The following PIN4 variants were observed in gnomAD, a reference collection of about 807,000 sequenced individuals.
PIN4 encodes peptidylprolyl cis/trans isomerase, NIMA-interacting 4.
PIN4 carries 3 observed loss-of-function variants against 8.3 expected under a neutral mutation model. That is an observed-to-expected ratio of 0.36 (90% confidence interval 0.16 to 0.93). The LOEUF (loss-of-function observed/expected upper bound fraction) is 0.93, where lower values mean the gene tolerates loss of function less well. Ranked by LOEUF, PIN4 falls within the 40% of genes least tolerant of loss-of-function variation. The pLI is 0.44. For missense variants in PIN4, 75 were observed against 100.6 expected (o/e 0.75, Z 1.09); for synonymous variants, 18 against 32.5 (o/e 0.55, Z 1.52).
At chrX:72,202,207 C>G (rs141309806), downstream of PIN4, among the ~76,000 whole-genome samples, 1 of 112,576 alleles carries the variant, frequency 8.9e-6, no homozygotes, top group East Asian at 2.8e-4. Context: ...TTTTTCCTAT[C>G]CAAATTCAGA....
chrX:72,206,764 A>G, intron 3 of PIN4: 18 of 1,211,227 alleles, frequency 1.5e-5, no homozygotes, highest in Non-Finnish European at 2.0e-5. Flanking sequence ...GATTCCAGCT[A>G]TCCCCAAAGA....
intron 3 of PIN4, among the ~76,000 whole-genome samples, chrX:72,229,323 C>T (rs1175761341): frequency 1.8e-5 from 2 of 111,968 alleles, no homozygotes; most frequent in Admixed American, 9.5e-5. Flanking sequence ...GCAACTGGCT[C>T]GTTTGACAGC....
intron 2 of PIN4, 127 bp from the exon 3 acceptor site, chrX:72,196,658 G>C (rs918825233): frequency 1.4e-4 from 74 of 519,030 alleles, no homozygotes; most frequent in Non-Finnish European, 2.1e-4. Flanking sequence ...AAACTTCCAG[G>C]ATTTTTACTT....
chrX:72,223,162 C>A (rs1399114928), intron 3 of PIN4, among the ~76,000 whole-genome samples: 1 of 98,916 alleles, frequency 1.0e-5, no homozygotes, highest in East Asian at 3.5e-4. Flanking sequence ...TGGTGAAACC[C>A]CGTCTCTACT....
downstream of PIN4, among the ~76,000 whole-genome samples, chrX:72,199,669 G>A (rs1437899441): frequency 3.6e-5 from 4 of 112,434 alleles, no homozygotes; most frequent in Non-Finnish European, 5.6e-5. Context: ...AGGATACTAA[G>A]TGAATACCTA....
intron 3 of PIN4, among the ~76,000 whole-genome samples, chrX:72,248,137 G>A (rs1453510549): frequency 9.1e-6 from 1 of 109,450 alleles, no homozygotes; most frequent in Non-Finnish European, 1.9e-5. Context: ...GTACACAGCA[G>A]GTTCAATGAG....
intron 3 of PIN4, chrX:72,204,894 T>A (rs1670168355): frequency 1.6e-6 from 1 of 615,964 alleles, no homozygotes. Flanking sequence ...CAGAAGTTGC[T>A]TTTTGAGATC....
chrX:72,239,104 G>C (rs1054528570), intron 3 of PIN4: 1 of 422,477 alleles, frequency 2.4e-6, no homozygotes, highest in African/African-American at 2.5e-5. Flanking sequence ...GCGCTGCGAC[G>C]CCTCCGCCTG....
chrX:72,259,084 C>T (rs1173652936), intron 3 of PIN4, among the ~76,000 whole-genome samples: 1 of 111,487 alleles, frequency 9.0e-6, no homozygotes, highest in Non-Finnish European at 1.9e-5. Context: ...TTGTTGTCAT[C>T]CCTGCTTTAT....
At chrX:72,239,127 G>C (rs907240077) in intron 3 of PIN4, 27 of 397,595 alleles carry the variant, frequency 6.8e-5, no homozygotes, top group African/African-American at 6.0e-4. Flanking sequence ...CCCCGCCCAT[G>C]ACGGTGGGCG....
chrX:72,187,647 TAAA>T (rs983155275), intron 2 of PIN4, among the ~76,000 whole-genome samples: 2 of 110,275 alleles, frequency 1.8e-5, no homozygotes, highest in Non-Finnish European at 3.8e-5. Context: ...AAAGTAAAAA[TAAA>T]AAATCAGCCA....
At chrX:72,205,041 A>C (rs769425306) in intron 3 of PIN4, 2 of 1,202,806 alleles carry the variant, frequency 1.7e-6, no homozygotes, top group East Asian at 5.9e-5. Context: ...GCTTATACAA[A>C]CTTAAAGTCA....
chrX:72,202,842 A>G (rs1260968256), downstream of PIN4, among the ~76,000 whole-genome samples: 1 of 111,894 alleles, frequency 8.9e-6, no homozygotes, highest in East Asian at 2.8e-4. Flanking sequence ...TAACTTTTAT[A>G]TGTATGGGAT....
chrX:72,261,594 A>G (rs1160463067), intron 3 of PIN4, among the ~76,000 whole-genome samples: 3 of 111,999 alleles, frequency 2.7e-5, no homozygotes, highest in Non-Finnish European at 5.6e-5. Context: ...CGTTGTTGTG[A>G]GGGTGAGAGA....
At chrX:72,251,377 A>AAAAAAAAAAAAAAAAG (rs2043087260) in intron 3 of PIN4, among the ~76,000 whole-genome samples, 1 of 104,393 alleles carries the variant, frequency 9.6e-6, no homozygotes, top group African/African-American at 3.5e-5. Context: ...AAAAAAAAAT[A>AAAAAAAAAAAAAAAAG]TGTGTGAGTG....
chrX:72,260,979 T>G (rs5958774), intron 3 of PIN4, among the ~76,000 whole-genome samples: 17,759 of 111,268 alleles, frequency 0.16, 1,886 homozygotes, highest in East Asian at 0.48. Flanking sequence ...GCTTTCACCG[T>G]GCAGCCAGAG....
At chrX:72,215,614 C>G (rs1436895669) in intron 3 of PIN4, among the ~76,000 whole-genome samples, 2 of 111,139 alleles carry the variant, frequency 1.8e-5, no homozygotes, top group Admixed American at 1.9e-4. Flanking sequence ...ACTGCTTTGC[C>G]AATAGACTGC....
At chrX:72,262,724 A>T in exon 4 of PIN4, 1 of 1,145,541 alleles carries the variant, frequency 8.7e-7, no homozygotes, top group Admixed American at 2.6e-5. Context: ...GCCTGCAGCA[A>T]CATGCTGGTC....
At chrX:72,202,238 T>A (rs949371171), downstream of PIN4, among the ~76,000 whole-genome samples, 3 of 112,743 alleles carry the variant, frequency 2.7e-5, no homozygotes, top group Non-Finnish European at 5.6e-5. Context: ...CTTCTACCCA[T>A]GAACCCCAGG....
Sources: allele counts gnomAD v4.1 joint callset (sites outside exome capture counted in the v4.1 genomes callset), GRCh38; gene constraint gnomAD v4.1.1; transcripts MANE v1.5; gene names NCBI Gene and HGNC (gene_info 2026-07-23, HGNC 2026-07-21).